The following MZF1 variants were observed in gnomAD, a reference collection of about 807,000 sequenced individuals.
The protein encoded by MZF1 is zinc finger and SCAN domain-containing protein 6.
MZF1 carries 24 observed loss-of-function variants against 28.6 expected under a neutral mutation model. That is an observed-to-expected ratio of 0.84 (90% CI 0.61 to 1.18). The LOEUF is 1.18. MZF1 is among the 50% of genes most tolerant of loss of function. MZF1 has a pLI of 0.00. For synonymous variants in MZF1, 516 were observed against 432.5 expected, an observed-to-expected ratio of 1.19 and a Z score of -2.40; for missense variants, 1,166 against 1,026.4, an observed-to-expected ratio of 1.14 and a Z score of -1.86.
intron 5 of MZF1, among the ~76,000 whole-genome samples, chr19:58,567,222 A>C (rs1026742005): frequency 1.3e-5 from 2 of 152,152 alleles, no homozygotes; most frequent in African/African-American, 4.8e-5. Context: ...AGATTCTAAA[A>C]ACTCAGGAGT....
intron 5 of MZF1, among the ~76,000 whole-genome samples, chr19:58,566,119 C>T (rs1374454847): frequency 1.0e-4 from 15 of 145,910 alleles, no homozygotes; most frequent in Admixed American, 3.4e-4. Flanking sequence ...CCAGCCTGGG[C>T]GACAGAGTGA....
Position 58,569,386 on chromosome 19 carries a change from G to T in MZF1, c.663C>A (p.Thr221=), listed in dbSNP as rs187713238. 2.5e-6 allele frequency: 4 copies of T among 1,614,016 alleles called. No homozygotes were observed. Among genetic ancestry groups the T allele is most frequent in the Non-Finnish European group, 3.4e-6 (4 of 1,179,968 alleles). The change falls in exon 5 of 6, where the codon ACC becomes ACA. Residue 221 remains threonine, a synonymous_variant. Coordinates refer to ENST00000215057, the MANE Select transcript of MZF1 (RefSeq NM_198055.2). ...LLPEEAQRCG[T]VLDQIFPHSK... The stretch of plus-strand genomic sequence containing the variant: ...TGTGGGGAAAGATCTGGTCCAGCAC[G>T]GTCCCACATCTCTGAAATCACAGTG...
At chr19:58,568,632 G>A (rs888616252) in intron 5 of MZF1, 9 of 152,302 alleles carry the variant, frequency 5.9e-5, no homozygotes, top group African/African-American at 2.2e-4. Flanking sequence ...TATGGGACAT[G>A]TCAGAATTTT....
chr19:58,562,852 AG>A lies in MZF1; in HGVS notation c.1424del (p.Pro475LeufsTer82). ...PPGPGAKPPA[P>X]PGAPEPPGPF... ...GGCCGGGAGGCTCGGGCGCACCAGG[AG>A]GGGCCGGGGGCTTAGCGCCAGGGCC... is the stretch of plus-strand genomic sequence containing the variant. On this transcript the variant is annotated frameshift_variant, in exon 6 of 6. Coordinates refer to ENST00000215057, the MANE Select transcript of MZF1 (RefSeq NM_198055.2). LOFTEE classifies it low-confidence loss of function (END_TRUNC). The A allele has an allele frequency of 6.5e-7, 1 of 1,540,630 alleles. No homozygotes were observed. The highest frequency in any genetic ancestry group is 1.2e-5 in the South Asian group (1 of 85,312).
Position 58,571,149 on chromosome 19 carries a change from C to T in MZF1, c.241G>A (p.Glu81Lys). The T allele has an allele frequency of 6.2e-7, 1 of 1,614,092 alleles. No individual in the cohort carries two copies. The highest frequency in any genetic ancestry group is 8.5e-7 in the Non-Finnish European group (1 of 1,180,002). ...QWLRPEVRSK[E>K]QMLELLVLEQ... ...AGCACCAACAGCTCCAGCATCTGCT[C>T]CTTGGAGCGTACCTCTGGACGCAGC... The change falls in exon 2 of 6, where the codon GAG becomes AAG. Residue 81 changes from glutamate (E) to lysine (K), a missense_variant. By Grantham distance (56) the Glu-to-Lys change is moderately conservative (BLOSUM62 1). Coordinates refer to ENST00000215057, the MANE Select transcript of MZF1 (RefSeq NM_198055.2).
At chr19:58,564,966 G>A (rs1265047976) in intron 5 of MZF1, among the ~76,000 whole-genome samples, 3 of 131,618 alleles carry the variant, frequency 2.3e-5, no homozygotes, top group African/African-American at 8.7e-5. Context: ...TGTCGCCCAG[G>A]CTGGAGTGCA....
rs566014527 is a variant in MZF1 at position 58,565,870 on chromosome 19, G to A, written c.773-2366C>T. The stretch of plus-strand genomic sequence containing the variant: ...AAGGAGAGGAATGGGGCTGGGCACG[G>A]TGGCTCACGCCTGTAATCCCAGCAC... On this transcript the variant is annotated intron_variant, in intron 5 of 5. Transcript: ENST00000215057. Among the ~76,000 whole-genome samples, 425 of 148,406 alleles carry A rather than the reference G, an allele frequency of 2.9e-3. 3 individuals carry two copies. Among genetic ancestry groups the A allele is most frequent in the African/African-American group, 9.0e-3 (366 of 40,604 alleles).
intron 1 of MZF1, chr19:58,572,762 G>A: frequency 1.9e-6 from 1 of 522,758 alleles, no homozygotes; most frequent in Non-Finnish European, 3.2e-6. Context: ...AGGTACCTAC[G>A]GAGGGTCCCG....
intron 3 of MZF1, chr19:58,569,996 C>T (rs1251087054): frequency 3.2e-6 from 1 of 309,308 alleles, no homozygotes; most frequent in Non-Finnish European, 6.0e-6. Context: ...CTAATTATAC[C>T]TCTGCCTGCT....
At chr19:58,573,529 T>C (rs1203540178), upstream of MZF1, 2 of 152,334 alleles carry the variant, frequency 1.3e-5, no homozygotes, top group Non-Finnish European at 2.9e-5. Flanking sequence ...CTTGGCCCGA[T>C]GCTTTCCGGC....
intron 5 of MZF1, chr19:58,568,588 A>G (rs2054099053): frequency 6.6e-6 from 1 of 152,244 alleles, no homozygotes. Flanking sequence ...CCAAACTTCA[A>G]TCTAATGTTG....
chr19:58,570,990 T>C lies in MZF1; in HGVS notation c.396+4A>G. 1 of 1,599,926 alleles carries C rather than the reference T, an allele frequency of 6.3e-7. No homozygotes were observed. Among genetic ancestry groups the C allele is most frequent in the Non-Finnish European group, 8.5e-7 (1 of 1,172,118 alleles). ...CTGAACCCCACTCGTGGACACTCAC[T>C]CACCCATCTCCGGGGTCCGCCCGGC... On this transcript the variant is annotated splice_donor_region_variant and intron_variant, in intron 2 of 5. Transcript: ENST00000215057.
intron 1 of MZF1, chr19:58,572,006 C>T (rs1454630402): frequency 6.3e-6 from 1 of 159,062 alleles, no homozygotes. Flanking sequence ...CTAGAAGACA[C>T]TTCTCTCCCC....
intron 1 of MZF1, chr19:58,572,720 C>T: frequency 1.1e-6 from 1 of 933,236 alleles, no homozygotes; most frequent in Non-Finnish European, 1.5e-6. Flanking sequence ...ACCTGAAACC[C>T]TGGGAGAGAC....
At position 58,563,341 on chromosome 19, in the gene MZF1, C is replaced by T. The variant is rs1473553694; in HGVS notation, c.936G>A (p.Arg312=). 1.2e-6 allele frequency: 2 copies of T among 1,608,674 alleles called. No individual in the cohort carries two copies. Among genetic ancestry groups the T allele is most frequent in the Non-Finnish European group, 8.5e-7 (1 of 1,177,848 alleles). ...CCTCGTCCGTGGGGTCCTGTTCACT[C>T]CTCAGATCGCTGGGGAGCAGAAGCG... ...AHALLLPSDL[R]SEQDPTDEDP... Residue 312 remains arginine (R), a synonymous_variant, in exon 6 of 6, where the codon AGG becomes AGA. Coordinates refer to ENST00000215057, the MANE Select transcript of MZF1 (RefSeq NM_198055.2).
intron 5 of MZF1, among the ~76,000 whole-genome samples, chr19:58,566,517 T>C (rs2054061325): frequency 1.3e-5 from 2 of 152,144 alleles, no homozygotes; most frequent in South Asian, 4.1e-4. Context: ...AGAATCTTTT[T>C]ACAAAGACAC....
intron 5 of MZF1, chr19:58,564,264 A>G (rs2053996383): frequency 6.6e-6 from 1 of 152,264 alleles, no homozygotes; most frequent in Non-Finnish European, 1.5e-5. Flanking sequence ...GAAAAGTCAG[A>G]TAAACTAGAA....
Position 58,562,903 on chromosome 19 carries a change from G to T in MZF1, c.1374C>A (p.His458Gln), listed in dbSNP as rs1368490972. The T allele has an allele frequency of 4.4e-6, 7 of 1,585,230 alleles. No individual in the cohort carries two copies. The East Asian group carries it at 1.6e-4, about 36-fold the overall frequency. Reference sequence around the variant, plus strand: ...CCGGGGGATCGCCGTGGATGCGCTGGTGCTGCAGCAGATTGGAGCGCTGCC... The same window carrying T: ...CCGGGGGATCGCCGTGGATGCGCTGTTGCTGCAGCAGATTGGAGCGCTGCC... ...SFRQRSNLLQ[H>Q]QRIHGDPPGP... Residue 458 changes from histidine (H) to glutamine (Q), a missense_variant, in exon 6 of 6, where the codon CAC (histidine) becomes CAA (glutamine). His to Gln is a conservative substitution (Grantham distance 24). Coordinates refer to ENST00000215057, the MANE Select transcript of MZF1 (RefSeq NM_198055.2).
At position 58,571,027 on chromosome 19, in the gene MZF1, C is replaced by G; in HGVS notation, c.363G>C (p.Gly121=). 1.2e-6 allele frequency: 2 copies of G among 1,611,388 alleles called. No homozygotes were observed. Among genetic ancestry groups the G allele is most frequent in the Non-Finnish European group, 1.7e-6 (2 of 1,178,584 alleles). Residue 121 remains glycine (G), a synonymous_variant, in exon 2 of 6, where the codon GGG becomes GGC. Coordinates refer to ENST00000215057, the MANE Select transcript of MZF1 (RefSeq NM_198055.2). The part of the protein sequence containing the change: ...SPEEAAALVD[G]LRREPGGPRR... ...GGGGTCCGCCCGGCTCCCGGCGCAG[C>G]CCATCTACTAGGGCAGCAGCCTCCT...
Sources: allele counts gnomAD v4.1 joint callset (sites outside exome capture counted in the v4.1 genomes callset), GRCh38; gene constraint gnomAD v4.1.1; transcripts MANE v1.5; gene names NCBI Gene and HGNC (gene_info 2026-07-23, HGNC 2026-07-21).